ZSCAN5A: variants seen among roughly 807,000 people sequenced by gnomAD.
ZSCAN5A encodes the protein zinc finger and SCAN domain containing 5A, also known as zinc finger and SCAN domain-containing protein 5A.
ZSCAN5A carries 12 observed loss-of-function variants against 23.7 expected under a neutral mutation model. The ratio of observed to expected loss-of-function variants is 0.51; its 90% CI spans 0.32 to 0.82. The LOEUF (loss-of-function observed/expected upper bound fraction) is 0.82, where lower values mean the gene tolerates loss of function less well. ZSCAN5A is among the 40% of genes least tolerant of loss of function. ZSCAN5A has a pLI of 0.03. For synonymous variants in ZSCAN5A, 257 were observed against 239.9 expected, an observed-to-expected ratio of 1.07 and a Z score of -0.66; for missense variants, 597 against 617.9, an observed-to-expected ratio of 0.97 and a Z score of 0.36.
intron 2 of ZSCAN5A, among the ~76,000 whole-genome samples, chr19:56,308,184 C>T (rs2040820776): frequency 6.6e-6 from 1 of 152,166 alleles, no homozygotes; most frequent in African/African-American, 2.4e-5. Context: ...CAGGCGAGTG[C>T]CACCACGCCC....
intron 2 of ZSCAN5A, among the ~76,000 whole-genome samples, chr19:56,361,522 G>A (rs2041733332): frequency 6.6e-6 from 1 of 152,148 alleles, no homozygotes; most frequent in Non-Finnish European, 1.5e-5. Context: ...GTACTATGCA[G>A]CCATAAAAAG....
chr19:56,293,844 C>A (rs1007579090), intron 2 of ZSCAN5A, among the ~76,000 whole-genome samples: 1 of 151,928 alleles, frequency 6.6e-6, no homozygotes, highest in Non-Finnish European at 1.5e-5. Flanking sequence ...CAGGACACCC[C>A]ACCCCCACAA....
chr19:56,255,474 T>C (rs1053839939), intron 2 of ZSCAN5A, among the ~76,000 whole-genome samples: 1 of 152,124 alleles, frequency 6.6e-6, no homozygotes, highest in Non-Finnish European at 1.5e-5. Context: ...GCCTCAGTGC[T>C]CACAGGCCGA....
intron 2 of ZSCAN5A, among the ~76,000 whole-genome samples, chr19:56,307,520 T>G (rs1167098708): frequency 1.3e-5 from 2 of 152,152 alleles, no homozygotes; most frequent in Non-Finnish European, 2.9e-5. Flanking sequence ...TGAAGTGAGG[T>G]GATGAGATTT....
At chr19:56,314,314 G>A (rs1292394272) in intron 1 of ZSCAN5A, 1 of 152,222 alleles carries the variant, frequency 6.6e-6, no homozygotes, top group Non-Finnish European at 1.5e-5. Context: ...CAGTGACCTA[G>A]TTAACCTGGC....
intron 2 of ZSCAN5A, among the ~76,000 whole-genome samples, chr19:56,231,228 A>G (rs1418770891): frequency 6.6e-6 from 1 of 152,100 alleles, no homozygotes; most frequent in African/African-American, 2.4e-5. Flanking sequence ...ATAAATGAAT[A>G]CATAAATGTT....
chr19:56,345,059 C>T (rs2041623104), intron 2 of ZSCAN5A, among the ~76,000 whole-genome samples: 1 of 151,022 alleles, frequency 6.6e-6, no homozygotes, highest in African/African-American at 2.4e-5. Flanking sequence ...GAGCAGAGAA[C>T]ACGCCACTAC....
intron 2 of ZSCAN5A, chr19:56,320,705 A>T: frequency 9.6e-7 from 1 of 1,036,476 alleles, no homozygotes; most frequent in Non-Finnish European, 1.5e-6. Flanking sequence ...CCCATAGTTC[A>T]CCTCTGCTTC....
chr19:56,249,665 C>T (rs553294382), intron 2 of ZSCAN5A, among the ~76,000 whole-genome samples: 11 of 152,324 alleles, frequency 7.2e-5, no homozygotes, highest in African/African-American at 2.2e-4. Flanking sequence ...TTCTTTAATA[C>T]GGCACATTTG....
rs116590608 is a variant in ZSCAN5A, at chr19:56,334,778, A to G, written c.-357-18510T>C. On this transcript the variant is annotated intron_variant, in intron 2 of 6. Transcript: ENST00000587340. Reference sequence around the variant, plus strand: ...AAAGTGGCCAAATTATTAAAAGAAAAAAATACTCATCCAAAGGTCAGCAAC... The same window carrying G: ...AAAGTGGCCAAATTATTAAAAGAAAGAAATACTCATCCAAAGGTCAGCAAC... Among the ~76,000 whole-genome samples, 899 of 152,340 alleles carry G rather than the reference A, an allele frequency of 5.9e-3. 8 individuals carry two copies. Among genetic ancestry groups the G allele is most frequent in the African/African-American group, 0.02 (815 of 41,560 alleles).
At chr19:56,230,862 T>A (rs931134674) in intron 2 of ZSCAN5A, among the ~76,000 whole-genome samples, 1 of 152,236 alleles carries the variant, frequency 6.6e-6, no homozygotes, top group African/African-American at 2.4e-5. Flanking sequence ...TACATTCCCC[T>A]GCAGTCAGGC....
intron 1 of ZSCAN5A, 86 bp downstream of exon 1, chr19:56,314,595 T>C (rs1265755723): frequency 2.0e-5 from 3 of 149,392 alleles, no homozygotes; most frequent in African/African-American, 7.3e-5. Context: ...CCCAGGCGCA[T>C]GCGCCCTCCC....
chr19:56,335,076 A>G (rs558648373), intron 2 of ZSCAN5A, among the ~76,000 whole-genome samples: 42 of 152,334 alleles, frequency 2.8e-4, no homozygotes, highest in African/African-American at 9.1e-4. Context: ...CTGACAGACA[A>G]AATAGCCAGT....
At chr19:56,357,731 T>C (rs986396291) in intron 2 of ZSCAN5A, among the ~76,000 whole-genome samples, 1 of 147,838 alleles carries the variant, frequency 6.8e-6, no homozygotes, top group Non-Finnish European at 1.5e-5. Flanking sequence ...CCAGCCAGCA[T>C]CATGATGACA....
intron 2 of ZSCAN5A, among the ~76,000 whole-genome samples, chr19:56,296,605 G>T (rs1448560316): frequency 6.6e-6 from 1 of 152,074 alleles, no homozygotes; most frequent in Admixed American, 6.6e-5. Context: ...AAAACAGACA[G>T]AAGTCTGTGA....
At chr19:56,279,319 T>C (rs2038502626) in intron 2 of ZSCAN5A, among the ~76,000 whole-genome samples, 1 of 152,108 alleles carries the variant, frequency 6.6e-6, no homozygotes, top group African/African-American at 2.4e-5. Context: ...AGACTGTAAG[T>C]TCCTAGAGGG....
At position 56,343,020 on chromosome 19, in the gene ZSCAN5A, C is replaced by T. The variant is rs1026955958; in HGVS notation, c.-358+20215G>A. ...TTTTCAGAAGTCACTATCTACTTAT[C>T]CAAGTCTTCTTTCCCCCAGAACTGT... On this transcript the variant is annotated intron_variant, in intron 2 of 6. Transcript: ENST00000587340. 2.2e-5 allele frequency: 18 copies of T among 819,468 alleles called. No homozygotes were observed. The Admixed American group carries it at 2.6e-4, about 12-fold the overall frequency. 50.8% of individuals were successfully genotyped at this position (819,468 alleles called of 1,614,324 possible). A position where few individuals can be genotyped will look rare whatever the true frequency, so the allele number is the denominator to read the frequency against.
intron 2 of ZSCAN5A, among the ~76,000 whole-genome samples, chr19:56,323,462 C>T (rs1350033758): frequency 6.6e-6 from 1 of 151,674 alleles, no homozygotes; most frequent in Non-Finnish European, 1.5e-5. Flanking sequence ...GTGTGAGCTA[C>T]TGTGCCTGGC....
intron 2 of ZSCAN5A, chr19:56,321,254 AGTG>A: frequency 1.5e-6 from 1 of 667,620 alleles, no homozygotes; most frequent in South Asian, 1.5e-5. Context: ...GGGTATCAGT[AGTG>A]CCAGCAATCA....
Sources: gnomAD v4.1 joint callset for allele counts (sites outside exome capture counted in the v4.1 genomes callset) on GRCh38, gnomAD v4.1.1 for gene constraint, MANE v1.5 for transcripts, NCBI Gene and HGNC (gene_info 2026-07-23, HGNC 2026-07-21) for gene names.